The following STARD13 variants were observed in gnomAD, a reference collection of about 807,000 sequenced individuals.
STARD13 encodes the protein stAR-related lipid transfer protein 13.
In STARD13, 62 loss-of-function variants were observed where a neutral mutation model predicts 106.4. The ratio of observed to expected loss-of-function variants is 0.58; its 90% confidence interval spans 0.48 to 0.72. The LOEUF is 0.72. Among genes scored for constraint, STARD13 ranks in the 30% least tolerant of loss-of-function variants. STARD13 has a pLI of 0.00. For synonymous variants in STARD13, 565 were observed against 553.0 expected (o/e 1.02, Z -0.31); for missense variants, 1,387 against 1,424.0 (o/e 0.97, Z 0.42).
intron 4 of STARD13, among the ~76,000 whole-genome samples, chr13:33,140,530 T>G (rs923937921): frequency 9.2e-5 from 14 of 152,248 alleles, no homozygotes; most frequent in Non-Finnish European, 1.9e-4. Flanking sequence ...TGGATATTGT[T>G]TTTCACTGTT....
At chr13:33,279,052 T>C (rs189766981) in intron 1 of STARD13, among the ~76,000 whole-genome samples, 1 of 152,294 alleles carries the variant, frequency 6.6e-6, no homozygotes, top group East Asian at 1.9e-4. Context: ...TGGTGTGCAA[T>C]GCATGTTCAG....
intron 1 of STARD13, among the ~76,000 whole-genome samples, chr13:33,190,594 T>C (rs1451177682): frequency 6.0e-5 from 9 of 150,612 alleles, no homozygotes; most frequent in African/African-American, 1.5e-4. Flanking sequence ...TTTTCTTTTT[T>C]TTTTTTTTTT....
intron 1 of STARD13, among the ~76,000 whole-genome samples, chr13:33,173,690 T>C (rs906534205): frequency 1.1e-4 from 16 of 152,238 alleles, no homozygotes; most frequent in African/African-American, 3.9e-4. Flanking sequence ...ATACAGGTTA[T>C]TTGGAATGAA....
chr13:33,430,930 G>A, the STARD13 span, among the ~76,000 whole-genome samples: 13 of 152,256 alleles, frequency 8.5e-5, 1 homozygote, highest in South Asian at 6.2e-4. Context: ...GGGAGGTGGA[G>A]GTGAAAAGAA....
At chr13:33,330,156 G>T (rs2077820842) in intron 1 of STARD13, among the ~76,000 whole-genome samples, 2 of 152,100 alleles carry the variant, frequency 1.3e-5, no homozygotes, top group Admixed American at 6.6e-5. Flanking sequence ...TCTGAATTTT[G>T]GGGGAACCTT....
the STARD13 span, among the ~76,000 whole-genome samples, chr13:33,545,344 C>T: frequency 1.3e-5 from 2 of 152,092 alleles, no homozygotes; most frequent in Non-Finnish European, 2.9e-5. Flanking sequence ...ATCCGCCTGC[C>T]TCGGCTTCCC....
intron 8 of STARD13, 131 bp downstream of exon 8, chr13:33,117,934 G>A (rs897699479): frequency 8.8e-6 from 13 of 1,470,758 alleles, no homozygotes; most frequent in African/African-American, 1.4e-5. Flanking sequence ...TTCCGTAGAG[G>A]AGAGCAGGAT....
intron 1 of STARD13, among the ~76,000 whole-genome samples, chr13:33,337,308 T>G (rs1327949511): frequency 1.3e-5 from 2 of 151,652 alleles, no homozygotes; most frequent in African/African-American, 4.8e-5. Context: ...TTTAATGAAC[T>G]AATCTATTAT....
intron 1 of STARD13, among the ~76,000 whole-genome samples, chr13:33,228,789 G>C (rs1025932797): frequency 6.6e-6 from 1 of 152,102 alleles, no homozygotes; most frequent in Non-Finnish European, 1.5e-5. Flanking sequence ...CGTAGAGTCT[G>C]ATAACCAAAA....
the STARD13 span, among the ~76,000 whole-genome samples, chr13:33,592,263 C>T: frequency 6.6e-6 from 1 of 152,148 alleles, no homozygotes; most frequent in South Asian, 2.1e-4. Context: ...TGAATCAAAT[C>T]CCCTTTGGTA....
intron 1 of STARD13, among the ~76,000 whole-genome samples, chr13:33,236,800 C>T (rs1566090445): frequency 6.6e-6 from 1 of 152,204 alleles, no homozygotes; most frequent in Non-Finnish European, 1.5e-5. Context: ...AATAGCTACT[C>T]AATAGCTTTC....
At chr13:33,179,837 C>A (rs1885055242) in intron 1 of STARD13, among the ~76,000 whole-genome samples, 1 of 152,170 alleles carries the variant, frequency 6.6e-6, no homozygotes. Context: ...AGGTGAGATT[C>A]AGAAGAAGGC....
chr13:33,289,781 T>C (rs992507467), upstream of STARD13, among the ~76,000 whole-genome samples: 4 of 152,070 alleles, frequency 2.6e-5, no homozygotes, highest in Non-Finnish European at 4.4e-5. Context: ...CCAGAGCCCT[T>C]AGTCAATCAA....
chr13:33,665,834 T>A, the STARD13 span, among the ~76,000 whole-genome samples: 1 of 152,096 alleles, frequency 6.6e-6, no homozygotes, highest in African/African-American at 2.4e-5. Flanking sequence ...GCTCTGACTC[T>A]CTCCTGGGGT....
In STARD13 at chr13:33,106,647, G is replaced by A. The variant is rs768288582; in HGVS notation, c.3224+111C>T. On this transcript the variant is annotated intron_variant, in intron 13 of 13. Coordinates refer to ENST00000336934, the MANE Select transcript of STARD13 (RefSeq NM_178006.4). ...CCTATGAAAGCACACTAATGGCAATGAGGAAACAAATACAGTGAAATAAGA... is the reference window on the plus strand; with the variant it reads ...CCTATGAAAGCACACTAATGGCAATAAGGAAACAAATACAGTGAAATAAGA... 2.5e-4 allele frequency: 254 copies of A among 1,023,692 alleles called. 1 individual carries two copies. Among genetic ancestry groups the A allele is most frequent in the Non-Finnish European group, 3.9e-5 (28 of 725,020 alleles). 63.4% of individuals were successfully genotyped at this position (1,023,692 alleles called of 1,614,324 possible).
At chr13:33,259,234 A>G (rs572825566) in intron 1 of STARD13, among the ~76,000 whole-genome samples, 1 of 152,378 alleles carries the variant, frequency 6.6e-6, no homozygotes, top group South Asian at 2.1e-4. Context: ...GGAATGGATG[A>G]GAAAAATTAT....
At chr13:33,625,178 A>G in the STARD13 span, among the ~76,000 whole-genome samples, 1 of 152,190 alleles carries the variant, frequency 6.6e-6, no homozygotes, top group Non-Finnish European at 1.5e-5. Context: ...TAGCCTCTTC[A>G]TGCTTGAGAA....
At chr13:33,563,468 G>T in the STARD13 span, among the ~76,000 whole-genome samples, 17 of 147,410 alleles carry the variant, frequency 1.2e-4, 1 homozygote, top group East Asian at 3.4e-3. Flanking sequence ...ACCAAAATAT[G>T]CAATGGGGAA....
At chr13:33,474,225 C>A in the STARD13 span, among the ~76,000 whole-genome samples, 1 of 152,110 alleles carries the variant, frequency 6.6e-6, no homozygotes, top group Non-Finnish European at 1.5e-5. Context: ...CTAGTTAGTA[C>A]ATGATGTTCT....
Sources: allele counts gnomAD v4.1 joint callset (sites outside exome capture counted in the v4.1 genomes callset), GRCh38; gene constraint gnomAD v4.1.1; transcripts MANE v1.5; gene names NCBI Gene and HGNC (gene_info 2026-07-23, HGNC 2026-07-21).